ACSL5: variants seen among roughly 807,000 people sequenced by gnomAD.
ACSL5 encodes long-chain-fatty-acid--CoA ligase 5.
In ACSL5, 50 loss-of-function variants were observed where a neutral mutation model predicts 84.9. The observed-to-expected ratio is 0.59, with a 90% CI of 0.47 to 0.75. The LOEUF is 0.75. ACSL5 is among the 30% of genes least tolerant of loss of function. The probability of loss-of-function intolerance (pLI) is 0.00; values close to 1 mark genes in which losing one functional copy is unlikely to be tolerated. For synonymous variants in ACSL5, 280 were observed against 300.7 expected, an observed-to-expected ratio of 0.93 and a Z score of 0.71; for missense variants, 775 against 830.4, an observed-to-expected ratio of 0.93 and a Z score of 0.82.
chr10:112,395,095 G>A lies in ACSL5; in HGVS notation c.149G>A (p.Gly50Glu). 1 of 1,611,726 alleles carries A rather than the reference G, an allele frequency of 6.2e-7. No homozygotes were observed. ...CTTGACCTGAACAATCAGTCTGTGG[G>A]AATTGAGGTAATTTACCAGTCATCC... ...PLLDLNNQSV[G>E]IEGGARKGVS... The change falls in exon 2 of 21, where the codon GGA (glycine) becomes GAA (glutamate). Residue 50 changes from glycine (G) to glutamate (E), a missense_variant. Physicochemically the swap from Gly to Glu is moderately conservative, Grantham distance 98 (BLOSUM62 -2). Coordinates refer to ENST00000354655, the MANE Select transcript of ACSL5 (RefSeq NM_203379.2).
Position 112,422,042 on chromosome 10 carries a change from A to G in ACSL5, c.1476+7A>G, listed in dbSNP as rs895276894. 1 of 1,613,994 alleles carries G rather than the reference A, an allele frequency of 6.2e-7. No individual in the cohort carries two copies. The highest frequency in any genetic ancestry group is 8.5e-7 in the Non-Finnish European group (1 of 1,179,822). On this transcript the variant is annotated splice_region_variant and intron_variant, in intron 16 of 20. Coordinates refer to ENST00000354655, the MANE Select transcript of ACSL5 (RefSeq NM_203379.2). ...AGTGAATAATGAAGGAGAGGTGGGT[A>G]GGTCATGCCCTGTGGTCAGACAGTC...
intron 5 of ACSL5, chr10:112,406,024 A>G (rs4572070): frequency 0.91 from 138,910 of 151,888 alleles, 63,627 homozygotes; most frequent in East Asian, 0.99. Flanking sequence ...AGATGGAAAG[A>G]GAGGCAGGAA....
At chr10:112,419,940 C>A (rs1316413739) in intron 14 of ACSL5, 1 of 152,110 alleles carries the variant, frequency 6.6e-6, no homozygotes, top group East Asian at 1.9e-4. Context: ...CTTGGCCATG[C>A]ATATTGTCTC....
intron 12 of ACSL5, among the ~76,000 whole-genome samples, chr10:112,414,714 G>A (rs1485944430): frequency 6.6e-6 from 1 of 152,050 alleles, no homozygotes; most frequent in Admixed American, 6.5e-5. Context: ...CAATACCCCT[G>A]TAGCCTCTGA....
intron 1 of ACSL5, 197 bp from the exon 2 acceptor site, chr10:112,394,721 A>C (rs1032138605): frequency 5.9e-5 from 58 of 983,758 alleles, no homozygotes; most frequent in Non-Finnish European, 6.8e-5. Flanking sequence ...AATGTGTTCT[A>C]TTATTTTCAA....
At chr10:112,404,647 T>A in intron 4 of ACSL5, 58 bp from the exon 5 acceptor site, 1 of 1,600,126 alleles carries the variant, frequency 6.2e-7, no homozygotes, top group Non-Finnish European at 8.6e-7. Context: ...ACGATATTGG[T>A]CAGTTTTTGG....
Position 112,410,575 on chromosome 10 carries a change from C to T in ACSL5, c.745-9C>T. 6.2e-7 allele frequency: 1 copy of T among 1,614,104 alleles called. No homozygotes were observed. The highest frequency in any genetic ancestry group is 8.5e-7 in the Non-Finnish European group (1 of 1,180,016). Reference sequence around the variant, plus strand: ...ATGGTGGAATAAGCCCTTGTGCTTCCTCCTCCAGCCTCCTAGCCCAGAAGA... The same window carrying T: ...ATGGTGGAATAAGCCCTTGTGCTTCTTCCTCCAGCCTCCTAGCCCAGAAGA... On this transcript the variant is annotated splice_polypyrimidine_tract_variant and intron_variant, in intron 8 of 20. Coordinates refer to ENST00000354655, the MANE Select transcript of ACSL5 (RefSeq NM_203379.2).
chr10:112,394,774 G>T (rs527651287), intron 1 of ACSL5, 144 bp from the exon 2 acceptor site: 3 of 1,480,398 alleles, frequency 2.0e-6, no homozygotes, highest in African/African-American at 2.8e-5. Context: ...CACTAGAGAG[G>T]TACAACTGTG....
intron 1 of ACSL5, among the ~76,000 whole-genome samples, chr10:112,388,157 C>G (rs1316753162): frequency 6.6e-6 from 1 of 152,102 alleles, no homozygotes; most frequent in Non-Finnish European, 1.5e-5. Flanking sequence ...CCAGGCTGGT[C>G]TCGAACTCCT....
At chr10:112,381,454 A>T (rs1424154925) in intron 1 of ACSL5, among the ~76,000 whole-genome samples, 2 of 151,364 alleles carry the variant, frequency 1.3e-5, no homozygotes, top group Admixed American at 6.6e-5. Flanking sequence ...GATCACTTGA[A>T]GTCAGAGTTC....
At chr10:112,425,157 T>A (rs1844619190) in intron 17 of ACSL5, 181 bp from the exon 18 acceptor site, 1 of 507,742 alleles carries the variant, frequency 2.0e-6, no homozygotes, top group Non-Finnish European at 3.4e-6. Context: ...AAAGACAGGT[T>A]CTTGCTGCAC....
chr10:112,388,508 A>T (rs1313858802), intron 1 of ACSL5, among the ~76,000 whole-genome samples: 1 of 152,162 alleles, frequency 6.6e-6, no homozygotes, highest in Non-Finnish European at 1.5e-5. Flanking sequence ...TGCAGGGAAA[A>T]TGAGTTAACT....
rs967994905 is a variant in ACSL5, at chr10:112,386,889, C to G, written c.-29-8029C>G. On this transcript the variant is annotated intron_variant, in intron 1 of 20. Coordinates refer to ENST00000354655, the MANE Select transcript of ACSL5 (RefSeq NM_203379.2). ...GGAAAGCTATTAACTCTCTGCATAC[C>G]AATTTTAGTAACTGGCCACCTCCAA... 2.0e-5 allele frequency among the ~76,000 whole-genome samples: 3 copies of G among 152,112 alleles called. No individual in the cohort carries two copies. In the East Asian group the frequency reaches 5.8e-4, roughly 29 times the overall value.
intron 13 of ACSL5, among the ~76,000 whole-genome samples, chr10:112,417,619 T>C (rs913792827): frequency 5.3e-5 from 8 of 152,134 alleles, no homozygotes; most frequent in Non-Finnish European, 1.2e-4. Context: ...TTGAGAAATA[T>C]ATGGCTTCTG....
At chr10:112,425,506 C>T (rs1419706370) in intron 18 of ACSL5, 25 bp downstream of exon 18, 1 of 1,560,902 alleles carries the variant, frequency 6.4e-7, no homozygotes, top group East Asian at 2.4e-5. Context: ...TAACAATAGC[C>T]CATTTCAGTC....
intron 1 of ACSL5, chr10:112,376,549 T>C (rs1849243631): frequency 6.5e-7 from 1 of 1,533,100 alleles, no homozygotes; most frequent in South Asian, 1.2e-5. Flanking sequence ...TTTAAGCGAC[T>C]TAGAATCAAG....
chr10:112,416,832 G>A (rs1844325387), intron 12 of ACSL5, 56 bp from the exon 13 acceptor site: 1 of 1,586,390 alleles, frequency 6.3e-7, no homozygotes, highest in African/African-American at 1.3e-5. Context: ...GCTCACTAAT[G>A]GCTTTGATGA....
chr10:112,379,632 A>G lies in ACSL5; in HGVS notation c.-30+5363A>G, dbSNP rs528842114. On this transcript the variant is annotated intron_variant, in intron 1 of 20. Coordinates refer to ENST00000354655, the MANE Select transcript of ACSL5 (RefSeq NM_203379.2). ...TGCCTGACAGCATACCAACTGTTCT[A>G]CACACAGCATCTCCTTTAAGTAGCG... is the stretch of plus-strand genomic sequence containing the variant. Among the ~76,000 whole-genome samples the G allele has an allele frequency of 4.6e-5, 7 of 152,300 alleles. No individual in the cohort carries two copies. In the East Asian group the frequency reaches 1.4e-3, roughly 29 times the overall value.
In ACSL5 at chr10:112,417,201, T is replaced by TAAAAAAAAA. The variant is rs377732977; in HGVS notation, c.1218+187_1218+195dup. 3.4e-3 allele frequency among the ~76,000 whole-genome samples: 402 copies of TAAAAAAAAA among 119,992 alleles called. 16 individuals are homozygous for TAAAAAAAAA. The highest frequency in any genetic ancestry group is 5.0e-3 in the Non-Finnish European group (299 of 60,244). The allele number at this position is 119,992 out of a possible 152,430, so 78.7% of individuals were successfully genotyped here. A position where few individuals can be genotyped will look rare whatever the true frequency, so the allele number is the denominator to read the frequency against. On this transcript the variant is annotated intron_variant, in intron 13 of 20. Transcript: ENST00000354655. ...ACTTTACTACTAAAGGGAGTAGGTT[T>TAAAAAAAAA]AAAAAAAAAAAAAAAAGCAGGCTGA... is the stretch of plus-strand genomic sequence containing the variant.
Sources: gnomAD v4.1 joint callset for allele counts (sites outside exome capture counted in the v4.1 genomes callset) on GRCh38, gnomAD v4.1.1 for gene constraint, MANE v1.5 for transcripts, NCBI Gene and HGNC (gene_info 2026-07-23, HGNC 2026-07-21) for gene names.